SORCS1: variants seen among roughly 807,000 people sequenced by gnomAD.
SORCS1 encodes sortilin related VPS10 domain containing receptor 1, also known as VPS10 domain-containing receptor SorCS1.
Under a neutral mutation model 146.1 loss-of-function variants are expected in SORCS1, and 60 were observed. The observed-to-expected ratio is 0.41, with a 90% CI of 0.33 to 0.51. SORCS1 has a LOEUF of 0.51. SORCS1 is among the 20% of genes least tolerant of loss of function. SORCS1 has a pLI of 0.21. For synonymous variants in SORCS1, 637 were observed against 584.0 expected (o/e 1.09, Z -1.31); for missense variants, 1,352 against 1,487.6 (o/e 0.91, Z 1.50).
intron 4 of SORCS1, among the ~76,000 whole-genome samples, chr10:106,773,963 T>G (rs1860231395): frequency 6.6e-6 from 1 of 151,322 alleles, no homozygotes; most frequent in South Asian, 2.1e-4. Context: ...AAAAAAAGAA[T>G]GAGAACACTA....
chr10:107,038,457 G>A (rs1051781487), intron 1 of SORCS1, among the ~76,000 whole-genome samples: 4 of 151,826 alleles, frequency 2.6e-5, no homozygotes, highest in African/African-American at 7.3e-5. Context: ...GAGTTAATGG[G>A]TGCAGCACAC....
chr10:107,023,775 A>G (rs1958260311), intron 1 of SORCS1, among the ~76,000 whole-genome samples: 1 of 152,196 alleles, frequency 6.6e-6, no homozygotes, highest in Non-Finnish European at 1.5e-5. Context: ...AAATTAAGAG[A>G]AACTATTATA....
At chr10:107,047,590 C>T (rs1378502439) in intron 1 of SORCS1, among the ~76,000 whole-genome samples, 1 of 152,164 alleles carries the variant, frequency 6.6e-6, no homozygotes, top group South Asian at 2.1e-4. Flanking sequence ...AAACTTCTCA[C>T]TTTAGCATTC....
chr10:106,745,603 T>C (rs192820375), intron 5 of SORCS1, among the ~76,000 whole-genome samples: 8 of 152,308 alleles, frequency 5.3e-5, no homozygotes, highest in Admixed American at 2.0e-4. Context: ...TTTCTGGTTA[T>C]ATTAACATAT....
chr10:106,934,612 C>A (rs1408655217), intron 2 of SORCS1, among the ~76,000 whole-genome samples: 15 of 152,132 alleles, frequency 9.9e-5, no homozygotes, highest in Admixed American at 9.8e-4. Context: ...AATCCAGGAA[C>A]CCACTACTAG....
intron 1 of SORCS1, among the ~76,000 whole-genome samples, chr10:106,981,235 G>A (rs1956235375): frequency 6.6e-6 from 1 of 152,176 alleles, no homozygotes; most frequent in South Asian, 2.1e-4. Context: ...AATACTGAAA[G>A]CTAAAGGAGT....
intron 1 of SORCS1, among the ~76,000 whole-genome samples, chr10:107,017,920 C>A (rs1275008479): frequency 1.3e-5 from 2 of 152,154 alleles, no homozygotes; most frequent in African/African-American, 4.8e-5. Flanking sequence ...CCAGCCTTGG[C>A]CTCCCAAAGT....
intron 1 of SORCS1, among the ~76,000 whole-genome samples, chr10:107,058,032 A>T (rs569472878): frequency 8.2e-4 from 124 of 151,844 alleles, no homozygotes; most frequent in African/African-American, 3.0e-3. Flanking sequence ...ATCAACTTTT[A>T]AAAAAAATTT....
At chr10:107,088,420 G>A (rs1289115633) in intron 1 of SORCS1, among the ~76,000 whole-genome samples, 1 of 152,310 alleles carries the variant, frequency 6.6e-6, no homozygotes, top group Admixed American at 6.5e-5. Flanking sequence ...GGCCCTGGGG[G>A]GGACGGTGGG....
At chr10:106,629,419 A>G (rs754044616) in intron 18 of SORCS1, 31 bp from the exon 19 acceptor site, 1 of 1,609,892 alleles carries the variant, frequency 6.2e-7, no homozygotes. Flanking sequence ...AGAGGAAATG[A>G]GTTAGTATTC....
intron 1 of SORCS1, among the ~76,000 whole-genome samples, chr10:107,107,608 C>T (rs1459341724): frequency 2.0e-5 from 3 of 152,152 alleles, no homozygotes; most frequent in East Asian, 1.9e-4. Flanking sequence ...TTGTATCTCC[C>T]ACAGCAACAA....
intron 1 of SORCS1, among the ~76,000 whole-genome samples, chr10:107,007,129 T>C (rs1957484578): frequency 6.6e-6 from 1 of 152,232 alleles, no homozygotes. Context: ...TGTGTAATCA[T>C]TTGAAATGTC....
At chr10:107,052,471 C>T (rs1030211336) in intron 1 of SORCS1, among the ~76,000 whole-genome samples, 25 of 152,212 alleles carry the variant, frequency 1.6e-4, no homozygotes, top group African/African-American at 5.8e-4. Flanking sequence ...TGTGATGAAA[C>T]CCTACAGGCT....
intron 18 of SORCS1, among the ~76,000 whole-genome samples, chr10:106,651,636 A>C (rs1222543439): frequency 6.6e-6 from 1 of 152,216 alleles, no homozygotes; most frequent in Non-Finnish European, 1.5e-5. Context: ...AATGATAACC[A>C]TAATTAGGTA....
intron 1 of SORCS1, among the ~76,000 whole-genome samples, chr10:107,006,825 G>C (rs1957464879): frequency 6.6e-6 from 1 of 152,082 alleles, no homozygotes; most frequent in Non-Finnish European, 1.5e-5. Flanking sequence ...TCAAAAAAAA[G>C]AAAATAGTTA....
In SORCS1 at chr10:106,732,406, C is replaced by T. The variant is rs543385518; in HGVS notation, c.960-2292G>A. 2.1e-4 allele frequency among the ~76,000 whole-genome samples: 32 copies of T among 152,194 alleles called. No individual in the cohort carries two copies. The South Asian group carries it at 3.1e-3, about 15-fold the overall frequency. On this transcript the variant is annotated intron_variant, in intron 5 of 25. Coordinates refer to ENST00000263054, the MANE Select transcript of SORCS1 (RefSeq NM_052918.5). ...CTCACACTGAAGCATTAACTGGATC[C>T]GCAGGTGACCTTTTCTGACAAGACT...
chr10:106,923,152 G>C (rs111631224), intron 2 of SORCS1, among the ~76,000 whole-genome samples: 3,951 of 152,268 alleles, frequency 0.026, 118 homozygotes, highest in African/African-American at 0.072. Context: ...GCATCCCAAA[G>C]TGCTGGGATT....
intron 21 of SORCS1, among the ~76,000 whole-genome samples, chr10:106,616,788 T>C (rs12247899): frequency 0.013 from 1,944 of 152,262 alleles, 45 homozygotes; most frequent in African/African-American, 0.045. Flanking sequence ...CAAATTATTT[T>C]CTGATTTTGA....
chr10:106,871,350 AC>A (rs1950400636), intron 2 of SORCS1, among the ~76,000 whole-genome samples: 1 of 152,150 alleles, frequency 6.6e-6, no homozygotes, highest in Non-Finnish European at 1.5e-5. Flanking sequence ...AGGAGCTAAA[AC>A]CAGAACTACC....
Sources: allele counts gnomAD v4.1 joint callset (sites outside exome capture counted in the v4.1 genomes callset), GRCh38; gene constraint gnomAD v4.1.1; transcripts MANE v1.5; gene names NCBI Gene and HGNC (gene_info 2026-07-23, HGNC 2026-07-21).